SPEN: variants seen among roughly 807,000 people sequenced by gnomAD.
SPEN encodes the protein spen family transcriptional repressor, also known as msx2-interacting protein.
SPEN carries 18 observed loss-of-function variants against 269.9 expected under a neutral mutation model. The observed-to-expected ratio is 0.07, with a 90% CI of 0.05 to 0.10. The LOEUF (loss-of-function observed/expected upper bound fraction) is 0.10, where lower values mean the gene tolerates loss of function less well. Ranked by LOEUF, SPEN falls within the 10% of genes least tolerant of loss-of-function variation. The pLI, the probability that SPEN is intolerant of heterozygous loss-of-function variation, is 1.00. For synonymous variants in SPEN, 1,726 were observed against 1,765.7 expected (o/e 0.98, Z 0.56); for missense variants, 3,822 against 4,631.2 (o/e 0.83, Z 5.07).
chr1:15,882,704 G>A (rs1387985142), intron 3 of SPEN, among the ~76,000 whole-genome samples: 1 of 152,128 alleles, frequency 6.6e-6, no homozygotes, highest in Non-Finnish European at 1.5e-5. Context: ...GAATGCACAG[G>A]TACTAACTAG....
intron 1 of SPEN, among the ~76,000 whole-genome samples, chr1:15,865,447 G>T (rs1369487102): frequency 4.3e-5 from 6 of 140,502 alleles, no homozygotes; most frequent in Non-Finnish European, 7.6e-5. Flanking sequence ...TTTCTGAGAC[G>T]GTGTCTCACT....
Position 15,931,025 on chromosome 1 carries a change from G to GAAAGAA in SPEN, c.4797_4802dup (p.Glu1599_Lys1600dup). The stretch of plus-strand genomic sequence containing the variant: ...TTATGGAGCTCACACGGATGCAACA[G>GAAAGAA]AAAGAAAAAGAAAAAGACCAGAAAC... On this transcript the variant is annotated inframe_insertion, in exon 11 of 15. Transcript: ENST00000375759. This position sits in a 1 kb window ranked among gnomAD's most constrained non-coding sequence, Gnocchi z 4.8. 1 of 1,613,402 alleles carries GAAAGAA rather than the reference G, an allele frequency of 6.2e-7. No individual in the cohort carries two copies. The highest frequency in any genetic ancestry group is 8.5e-7 in the Non-Finnish European group (1 of 1,179,870).
rs746234410 is a variant in SPEN, at chr1:15,938,853, G to A, written c.10840G>A (p.Val3614Ile). 107 of 1,613,818 alleles carry A rather than the reference G, an allele frequency of 6.6e-5. 1 individual carries two copies. The highest frequency in any genetic ancestry group is 3.7e-4 in the Admixed American group (22 of 59,984). ...QAKQAAGIIN[V>I]PNPGSNQPAY... ...CAAGCAGGCGGCAGGGATCATCAAC[G>A]TTCCCAACCCTGGCTCCAATCAGGT... The change falls in exon 14 of 15, where the codon GTT becomes ATT. Residue 3614 changes from valine (V) to isoleucine (I), a missense_variant. Transcript: ENST00000375759.
chr1:15,899,871 A>G (rs1450908832), intron 3 of SPEN, among the ~76,000 whole-genome samples: 2 of 151,540 alleles, frequency 1.3e-5, no homozygotes, highest in African/African-American at 4.9e-5. Flanking sequence ...TTTTTGAGAG[A>G]GAGTGTCACT....
rs147379398 is a variant in SPEN at position 15,929,259 on chromosome 1, C to A, written c.3019C>A (p.Pro1007Thr). The change falls in exon 11 of 15, where the codon CCA becomes ACA. Residue 1007 changes from proline to threonine, a missense_variant. Pro to Thr is a conservative substitution (Grantham distance 38). Around this residue, in one of 16 missense-constraint regions of SPEN, gnomAD observed 572 missense variants for 582.6 expected, o/e 0.98. Transcript: ENST00000375759. This position sits in a 1 kb window ranked among gnomAD's most constrained non-coding sequence, Gnocchi z 5.8. Reference protein sequence around the residue: ...KQKPEVKKSSPEMEDARVLSK... With the variant: ...KQKPEVKKSSTEMEDARVLSK... ...AAAACCAGAGGTCAAGAAAAGCAGT[C>A]CAGAGATGGAGGATGCTCGCGTGCT... The A allele has an allele frequency of 4.9e-4, 790 of 1,614,036 alleles. 7 individuals are homozygous for A. The African/African-American group carries it at 9.7e-3, about 20-fold the overall frequency.
intron 1 of SPEN, among the ~76,000 whole-genome samples, chr1:15,859,300 T>C (rs1479892451): frequency 6.6e-6 from 1 of 151,658 alleles, no homozygotes; most frequent in Non-Finnish European, 1.5e-5. Flanking sequence ...GGATTACAGG[T>C]ATGTGCCACT....
At chr1:15,899,722 C>T (rs2070882271) in intron 3 of SPEN, among the ~76,000 whole-genome samples, 2 of 151,734 alleles carry the variant, frequency 1.3e-5, no homozygotes, top group African/African-American at 4.8e-5. Flanking sequence ...TTTTCTTGTG[C>T]TTATTTGCCA....
At chr1:15,868,668 T>C (rs2070542548) in intron 1 of SPEN, among the ~76,000 whole-genome samples, 1 of 152,038 alleles carries the variant, frequency 6.6e-6, no homozygotes, top group South Asian at 2.1e-4. Context: ...TCTCCTGACC[T>C]CGTGATCCGC....
chr1:15,859,905 CTTTT>C (rs34195453), intron 1 of SPEN, among the ~76,000 whole-genome samples: 8 of 79,632 alleles, frequency 1.0e-4, no homozygotes, highest in Admixed American at 2.0e-4. Flanking sequence ...CAGTTAACAT[CTTTT>C]TTTTTTTTTT....
rs758979121 is a variant in SPEN at position 15,935,703 on chromosome 1, C to T, written c.9463C>T (p.Pro3155Ser). ...AGVPALASQH[P>S]PEEEVHYHLP... ...TGTGCCTGCACTGGCCTCCCAGCAC[C>T]CTCCCGAGGAGGAAGTGCATTATCA... The change falls in exon 11 of 15, where the codon CCT (proline) becomes TCT (serine). Residue 3155 changes from proline to serine, a missense_variant. Physicochemically the swap from Pro to Ser is moderately conservative, Grantham distance 74. This residue lies in a region of SPEN where 153 missense variants were observed against 228.5 expected (regional missense o/e 0.67). Coordinates refer to ENST00000375759, the MANE Select transcript of SPEN (RefSeq NM_015001.3). The surrounding 1 kb of genome is among the most constrained non-coding windows in gnomAD (Gnocchi z 7.7). The T allele has an allele frequency of 3.7e-6, 6 of 1,613,400 alleles. No homozygotes were observed. In the Admixed American group the frequency reaches 6.7e-5, roughly 18 times the overall value.
Position 15,930,105 on chromosome 1 carries a change from A to G in SPEN, c.3865A>G (p.Lys1289Glu), listed in dbSNP as rs1335517460. The change falls in exon 11 of 15, where the codon AAA (lysine) becomes GAA (glutamate). Residue 1289 changes from lysine (K) to glutamate (E), a missense_variant. Physicochemically the swap from Lys to Glu is moderately conservative, Grantham distance 56 (BLOSUM62 1). Coordinates refer to ENST00000375759, the MANE Select transcript of SPEN (RefSeq NM_015001.3). The surrounding 1 kb of genome is among the most constrained non-coding windows in gnomAD (Gnocchi z 5.3). The stretch of plus-strand genomic sequence containing the variant: ...GCTACTGTCAGTAAAAGGGTCTCCT[A>G]AAGTAGATGAAAAAGTCCTCCCCTA... ...PRLLSVKGSPKVDEKVLPYSN... is the reference protein window; with the variant it reads ...PRLLSVKGSPEVDEKVLPYSN... 1 of 1,614,254 alleles carries G rather than the reference A, an allele frequency of 6.2e-7. No homozygotes were observed. Among genetic ancestry groups the G allele is most frequent in the Non-Finnish European group, 8.5e-7 (1 of 1,180,054 alleles).
chr1:15,865,073 A>T (rs1039688958), intron 1 of SPEN, among the ~76,000 whole-genome samples: 1 of 151,458 alleles, frequency 6.6e-6, no homozygotes, highest in Non-Finnish European at 1.5e-5. Context: ...TTTTTTTGAG[A>T]TGGAGTCTCA....
At position 15,929,028 on chromosome 1, in the gene SPEN, T is replaced by G; in HGVS notation, c.2788T>G (p.Ser930Ala). The G allele has an allele frequency of 6.2e-7, 1 of 1,614,162 alleles. No homozygotes were observed. Among genetic ancestry groups the G allele is most frequent in the South Asian group, 1.1e-5 (1 of 91,082 alleles). The change falls in exon 11 of 15, where the codon TCT becomes GCT. Residue 930 changes from serine (S) to alanine (A), a missense_variant. By Grantham distance (99) the Ser-to-Ala change is moderately conservative (BLOSUM62 1). Transcript: ENST00000375759. This position sits in a 1 kb window ranked among gnomAD's most constrained non-coding sequence, Gnocchi z 5.8. ...SQTEPAKSDLSKLESVRMKVP... is the reference protein window; with the variant it reads ...SQTEPAKSDLAKLESVRMKVP... ...GACGGAGCCTGCAAAATCTGACTTG[T>G]CTAAACTGGAATCAGTTAGAATGAA... is the stretch of plus-strand genomic sequence containing the variant.
rs780803815 is a variant in SPEN at position 15,933,588 on chromosome 1, G to T, written c.7348G>T (p.Val2450Leu). The T allele has an allele frequency of 6.2e-7, 1 of 1,614,016 alleles. No individual in the cohort carries two copies. Among genetic ancestry groups the T allele is most frequent in the Non-Finnish European group, 8.5e-7 (1 of 1,179,964 alleles). Residue 2450 changes from valine to leucine, a missense_variant, in exon 11 of 15, where the codon GTG (valine) becomes TTG (leucine). Val to Leu is a conservative substitution (Grantham distance 32). Around this residue, in one of 16 missense-constraint regions of SPEN, gnomAD observed 727 missense variants for 737.9 expected, o/e 0.99. Transcript: ENST00000375759. This position sits in a 1 kb window ranked among gnomAD's most constrained non-coding sequence, Gnocchi z 5.7. ...TGAGGAGCCTCAAGCCAGGTTCAGG[G>T]TGCATTCCATCATTGAAAGTGACCC... ...VDEEPQARFR[V>L]HSIIESDPVT...
intron 3 of SPEN, among the ~76,000 whole-genome samples, chr1:15,879,493 A>G (rs1337439576): frequency 6.6e-6 from 1 of 152,152 alleles, no homozygotes; most frequent in Admixed American, 6.6e-5. Context: ...CAGAAAGATA[A>G]CTGCTAGAAG....
At chr1:15,883,775 C>A (rs1374374085) in intron 3 of SPEN, among the ~76,000 whole-genome samples, 1 of 139,044 alleles carries the variant, frequency 7.2e-6, no homozygotes. Flanking sequence ...AACCCTATTA[C>A]TTTTTTTCCT....
chr1:15,868,779 A>G (rs1013289566), intron 1 of SPEN, among the ~76,000 whole-genome samples: 1 of 152,192 alleles, frequency 6.6e-6, no homozygotes, highest in Non-Finnish European at 1.5e-5. Flanking sequence ...TCATTTAGCT[A>G]TTTAGATTTA....
chr1:15,902,473 T>A (rs1055412873), intron 3 of SPEN, among the ~76,000 whole-genome samples: 14 of 149,606 alleles, frequency 9.4e-5, no homozygotes, highest in Non-Finnish European at 1.5e-4. Context: ...ATAAAAAAAA[T>A]GAGATGTGGA....
chr1:15,908,375 A>G (rs899918703), intron 3 of SPEN, among the ~76,000 whole-genome samples: 1 of 151,012 alleles, frequency 6.6e-6, no homozygotes, highest in African/African-American at 2.4e-5. Flanking sequence ...TGTTTTATTT[A>G]TTGGATACCT....
Sources: gnomAD v4.1 joint callset for allele counts (sites outside exome capture counted in the v4.1 genomes callset) on GRCh38, gnomAD v4.1.1 for gene constraint, gnomAD v4.1.1 regional missense constraint, Gnocchi (gnomAD v3.1) non-coding constraint, MANE v1.5 for transcripts, NCBI Gene and HGNC (gene_info 2026-07-23, HGNC 2026-07-21) for gene names.